ARHGAP28: variants seen among roughly 807,000 people sequenced by gnomAD.
ARHGAP28 encodes rho GTPase-activating protein 28.
ARHGAP28 carries 56 observed loss-of-function variants against 90.7 expected under a neutral mutation model. That is an observed-to-expected ratio of 0.62 (90% CI 0.50 to 0.77). The LOEUF (loss-of-function observed/expected upper bound fraction) is 0.77, where lower values mean the gene tolerates loss of function less well. ARHGAP28 is among the 30% of genes least tolerant of loss of function. The pLI, the probability that ARHGAP28 is intolerant of heterozygous loss-of-function variation, is 0.00. For missense variants in ARHGAP28, 869 were observed against 900.9 expected, an observed-to-expected ratio of 0.96 and a Z score of 0.45; for synonymous variants, 308 against 323.3, an observed-to-expected ratio of 0.95 and a Z score of 0.51.
chr18:6,872,892 G>T (rs548617752), intron 7 of ARHGAP28, among the ~76,000 whole-genome samples: 1 of 152,142 alleles, frequency 6.6e-6, no homozygotes, highest in South Asian at 2.1e-4. Context: ...GTCTCAGCAA[G>T]CATATATAAT....
At chr18:6,890,130 C>T (rs752237559) in intron 13 of ARHGAP28, 45 bp downstream of exon 13, 3 of 1,601,088 alleles carry the variant, frequency 1.9e-6, no homozygotes, top group Non-Finnish European at 2.6e-6. Context: ...AGTCCATGTC[C>T]CCAGGAAACA....
chr18:6,776,641 TA>T (rs1001079971), intron 1 of ARHGAP28, among the ~76,000 whole-genome samples: 1 of 152,180 alleles, frequency 6.6e-6, no homozygotes, highest in Admixed American at 6.5e-5. Flanking sequence ...GTAGTGGATG[TA>T]AGTACACCTG....
chr18:6,840,378 A>G (rs999146046), intron 3 of ARHGAP28, among the ~76,000 whole-genome samples: 19 of 152,216 alleles, frequency 1.2e-4, no homozygotes, highest in African/African-American at 4.3e-4. Flanking sequence ...GTGCATTACT[A>G]GAGAATGCAT....
intron 3 of ARHGAP28, among the ~76,000 whole-genome samples, chr18:6,839,586 T>C (rs8086537): frequency 0.36 from 54,830 of 152,118 alleles, 12,956 homozygotes; most frequent in African/African-American, 0.67. Context: ...CGTGAGCCAC[T>C]GCGCCCGGCC....
chr18:6,827,796 C>A (rs1034310022), intron 2 of ARHGAP28, among the ~76,000 whole-genome samples: 1 of 151,820 alleles, frequency 6.6e-6, no homozygotes, highest in African/African-American at 2.4e-5. Flanking sequence ...ACGGGGCGGC[C>A]GGGCAGAGAC....
At chr18:6,759,718 G>T (rs908014412) in intron 1 of ARHGAP28, among the ~76,000 whole-genome samples, 2 of 152,144 alleles carry the variant, frequency 1.3e-5, no homozygotes, top group Non-Finnish European at 2.9e-5. Flanking sequence ...ATCTTATCTT[G>T]AAAAACTATG....
At chr18:6,805,471 A>G (rs2056511077) in intron 1 of ARHGAP28, among the ~76,000 whole-genome samples, 1 of 142,406 alleles carries the variant, frequency 7.0e-6, no homozygotes, top group African/African-American at 2.6e-5. Flanking sequence ...TGGTCTGATA[A>G]CCTTTGCCTT....
At chr18:6,901,208 G>C (rs2057336536) in intron 16 of ARHGAP28, among the ~76,000 whole-genome samples, 1 of 152,296 alleles carries the variant, frequency 6.6e-6, no homozygotes. Context: ...GAGAACATCA[G>C]AATGGGTACA....
In ARHGAP28 at chr18:6,873,444, T is replaced by C; in HGVS notation, c.990T>C (p.Thr330=). ...FNVQKTRFGL[T]EAGDLSAEDM... is the part of the protein sequence containing the mutation. Reference sequence around the variant, plus strand: ...TTCAGAAAACCAGATTTGGCTTAACTGAAGCAGGAGATCTGTCTGCTGAAG... The same window carrying C: ...TTCAGAAAACCAGATTTGGCTTAACCGAAGCAGGAGATCTGTCTGCTGAAG... Residue 330 remains threonine (T), a synonymous_variant, in exon 8 of 18, where the codon ACT becomes ACC. Transcript: ENST00000383472. 6.2e-7 allele frequency: 1 copy of C among 1,611,990 alleles called. No individual in the cohort carries two copies. The highest frequency in any genetic ancestry group is 8.5e-7 in the Non-Finnish European group (1 of 1,179,548).
At chr18:6,772,126 A>G (rs1289770583) in intron 1 of ARHGAP28, among the ~76,000 whole-genome samples, 1 of 152,196 alleles carries the variant, frequency 6.6e-6, no homozygotes, top group Non-Finnish European at 1.5e-5. Context: ...TTCATTTTTA[A>G]GGGAAACAAG....
At chr18:6,808,900 G>A (rs901115139) in intron 1 of ARHGAP28, among the ~76,000 whole-genome samples, 4 of 152,182 alleles carry the variant, frequency 2.6e-5, no homozygotes, top group Admixed American at 2.6e-4. Context: ...AACTCATGCA[G>A]CCCTGATGGG....
intron 11 of ARHGAP28, 136 bp from the exon 12 acceptor site, chr18:6,887,021 T>C: frequency 2.8e-6 from 2 of 712,210 alleles, no homozygotes; most frequent in South Asian, 1.7e-5. Flanking sequence ...AAATTTACAT[T>C]GCTGGGCACA....
In ARHGAP28 at chr18:6,868,191, T is replaced by A; in HGVS notation, c.768T>A (p.Asn256Lys). The change falls in exon 6 of 18, where the codon AAT becomes AAA. Residue 256 changes from asparagine (N) to lysine (K), a missense_variant. Physicochemically the swap from Asn to Lys is moderately conservative, Grantham distance 94. Transcript: ENST00000383472. The stretch of plus-strand genomic sequence containing the variant: ...TTCCAGTTCTACCAGTTCATTCCAA[T>A]GGATCACCGGAGCCTGGACAGCCAG... ...ETIPVLPVHSNGSPEPGQPVQ... is the reference protein window; with the variant it reads ...ETIPVLPVHSKGSPEPGQPVQ... The A allele has an allele frequency of 6.2e-7, 1 of 1,614,222 alleles. No individual in the cohort carries two copies. The highest frequency in any genetic ancestry group is 1.1e-5 in the South Asian group (1 of 91,086).
At chr18:6,749,452 A>G (rs1048291008) in intron 1 of ARHGAP28, among the ~76,000 whole-genome samples, 1 of 152,158 alleles carries the variant, frequency 6.6e-6, no homozygotes, top group Non-Finnish European at 1.5e-5. Context: ...TTTGAGCCCC[A>G]AGGACCCATA....
chr18:6,771,617 T>C (rs1268314410), intron 1 of ARHGAP28, among the ~76,000 whole-genome samples: 2 of 152,214 alleles, frequency 1.3e-5, no homozygotes, highest in Non-Finnish European at 2.9e-5. Flanking sequence ...TTACACATAA[T>C]TAATGAACAT....
At chr18:6,786,221 G>A (rs1315471064) in intron 1 of ARHGAP28, among the ~76,000 whole-genome samples, 1 of 151,506 alleles carries the variant, frequency 6.6e-6, no homozygotes, top group Non-Finnish European at 1.5e-5. Context: ...AGTCCTATTG[G>A]GTCATAAGCT....
At position 6,883,239 on chromosome 18, in the gene ARHGAP28, AT is replaced by A. The variant is rs34238467; in HGVS notation, c.1453+957del. ...CTCAATTTGAGAGTGTCAGGCACTA[AT>A]TTTTTTTTTTTTTTTTGAGACAGAG... On this transcript the variant is annotated intron_variant, in intron 11 of 17. Transcript: ENST00000383472. Among the ~76,000 whole-genome samples, 620 of 142,096 alleles carry A rather than the reference AT, an allele frequency of 4.4e-3. 7 individuals carry two copies. Among genetic ancestry groups the A allele is most frequent in the African/African-American group, 9.0e-3 (345 of 38,308 alleles). 93.2% of individuals were successfully genotyped at this position (142,096 alleles called of 152,430 possible).
At chr18:6,816,586 C>T (rs553984983) in intron 1 of ARHGAP28, among the ~76,000 whole-genome samples, 2 of 152,298 alleles carry the variant, frequency 1.3e-5, no homozygotes, top group South Asian at 2.1e-4. Context: ...TTCCTCTTCT[C>T]TAGTAGAGGG....
chr18:6,888,737 A>G lies in ARHGAP28; in HGVS notation c.1537-1151A>G, dbSNP rs1039233047. On this transcript the variant is annotated intron_variant, in intron 12 of 17. Transcript: ENST00000383472. ...TGCAGCAATTATCAAATAATTCAAT[A>G]CATTTCTAACAAAAGGTCCCCCCAG... 2.0e-5 allele frequency among the ~76,000 whole-genome samples: 3 copies of G among 152,326 alleles called. No individual in the cohort carries two copies. In the East Asian group the frequency reaches 5.8e-4, roughly 29 times the overall value.
Sources: allele counts gnomAD v4.1 joint callset (sites outside exome capture counted in the v4.1 genomes callset), GRCh38; gene constraint gnomAD v4.1.1; transcripts MANE v1.5; gene names NCBI Gene and HGNC (gene_info 2026-07-23, HGNC 2026-07-21).